The following DPP10 variants were observed in gnomAD, a reference collection of about 807,000 sequenced individuals.
The protein encoded by DPP10 is dipeptidyl peptidase like 10.
In DPP10, 33 loss-of-function variants were observed where a neutral mutation model predicts 120.9. The observed-to-expected ratio is 0.27, with a 90% confidence interval of 0.21 to 0.37. DPP10 has a LOEUF of 0.37. Ranked by LOEUF, DPP10 falls within the 10% of genes least tolerant of loss-of-function variation. The pLI is 1.00. For missense variants in DPP10, 816 were observed against 942.8 expected (o/e 0.87, Z 1.76); for synonymous variants, 337 against 326.1 (o/e 1.03, Z -0.36).
chr2:114,934,878 T>C (rs996302410), intron 1 of DPP10, among the ~76,000 whole-genome samples: 2 of 152,148 alleles, frequency 1.3e-5, no homozygotes, highest in Non-Finnish European at 2.9e-5. Flanking sequence ...ATCTTTTCTC[T>C]GTGCCCTTAT....
At chr2:115,119,196 C>T (rs2104726211) in intron 1 of DPP10, among the ~76,000 whole-genome samples, 1 of 152,222 alleles carries the variant, frequency 6.6e-6, no homozygotes, top group African/African-American at 2.4e-5. Context: ...TGTGCAGGTG[C>T]TCATTTGAAG....
chr2:115,735,130 G>T (rs187283340), intron 8 of DPP10, among the ~76,000 whole-genome samples: 2 of 152,060 alleles, frequency 1.3e-5, no homozygotes, highest in Non-Finnish European at 2.9e-5. Flanking sequence ...CATTTGATTC[G>T]CCAGGGTTTC....
At chr2:114,722,498 C>A (rs751831493) in intron 1 of DPP10, among the ~76,000 whole-genome samples, 1 of 152,130 alleles carries the variant, frequency 6.6e-6, no homozygotes, top group Non-Finnish European at 1.5e-5. Context: ...GCTAACCAGT[C>A]GGGCGCGGTG....
chr2:115,805,904 C>G (rs1309474231), intron 19 of DPP10, among the ~76,000 whole-genome samples: 1 of 152,042 alleles, frequency 6.6e-6, no homozygotes, highest in African/African-American at 2.4e-5. Context: ...AACTTGTACT[C>G]TCACCGCATT....
At chr2:114,452,737 G>T (rs982984404) in intron 1 of DPP10, among the ~76,000 whole-genome samples, 1 of 152,028 alleles carries the variant, frequency 6.6e-6, no homozygotes, top group Admixed American at 6.6e-5. Context: ...AACTGAAAAA[G>T]TCCCTTAGTA....
At chr2:114,748,016 A>T (rs1323658628) in intron 1 of DPP10, among the ~76,000 whole-genome samples, 1 of 152,172 alleles carries the variant, frequency 6.6e-6, no homozygotes, top group Non-Finnish European at 1.5e-5. Context: ...ATTTATAGCA[A>T]TTTTTCAAAG....
chr2:115,662,525 A>G (rs748474855), intron 5 of DPP10, among the ~76,000 whole-genome samples: 69 of 152,084 alleles, frequency 4.5e-4, no homozygotes, highest in Admixed American at 1.7e-3. Flanking sequence ...GCAAACGGGT[A>G]TATGAAAAGG....
chr2:115,092,250 C>A (rs1449022129), intron 1 of DPP10, among the ~76,000 whole-genome samples: 1 of 152,200 alleles, frequency 6.6e-6, no homozygotes, highest in Admixed American at 6.5e-5. Context: ...ACTTTGCAAA[C>A]ATTTCATGTC....
At chr2:115,600,360 T>A (rs1373462070) in intron 5 of DPP10, among the ~76,000 whole-genome samples, 1 of 152,214 alleles carries the variant, frequency 6.6e-6, no homozygotes. Flanking sequence ...CCTAAGATGA[T>A]AATGTAATAA....
intron 5 of DPP10, among the ~76,000 whole-genome samples, chr2:115,653,463 A>G (rs2087984824): frequency 6.6e-6 from 1 of 152,012 alleles, no homozygotes; most frequent in Admixed American, 6.6e-5. Flanking sequence ...TGTCTTAGAT[A>G]ATCTCCGCTG....
At chr2:114,584,477 G>A (rs896805126) in intron 1 of DPP10, among the ~76,000 whole-genome samples, 7 of 151,562 alleles carry the variant, frequency 4.6e-5, no homozygotes, top group Admixed American at 1.3e-4. Context: ...CATGTGCCAT[G>A]TTGGTGTGCT....
chr2:115,006,381 T>A (rs1014737675), intron 1 of DPP10, among the ~76,000 whole-genome samples: 57 of 151,736 alleles, frequency 3.8e-4, no homozygotes, highest in African/African-American at 1.3e-3. Context: ...TAACTTTAAA[T>A]GTAAATGGAC....
intron 3 of DPP10, among the ~76,000 whole-genome samples, chr2:115,354,461 T>C (rs1180514576): frequency 6.6e-6 from 1 of 152,174 alleles, no homozygotes; most frequent in African/African-American, 2.4e-5. Flanking sequence ...AGTTTTTTTG[T>C]TTCTGCATTA....
chr2:115,555,105 A>G (rs2080124624), intron 5 of DPP10, among the ~76,000 whole-genome samples: 1 of 152,116 alleles, frequency 6.6e-6, no homozygotes, highest in South Asian at 2.1e-4. Context: ...TTCTTCTCTT[A>G]CTTTGGTATC....
intron 1 of DPP10, among the ~76,000 whole-genome samples, chr2:114,627,895 C>T (rs551438205): frequency 1.3e-5 from 2 of 152,156 alleles, no homozygotes; most frequent in African/African-American, 2.4e-5. Flanking sequence ...TGTCAGAAGA[C>T]GGTGCATTAT....
intron 1 of DPP10, among the ~76,000 whole-genome samples, chr2:114,785,906 G>A (rs1033865380): frequency 1.3e-5 from 2 of 152,148 alleles, no homozygotes; most frequent in Admixed American, 6.5e-5. Context: ...TGGCAGCAAT[G>A]GAAATGTGGA....
At chr2:115,451,615 G>T (rs189687120) in intron 3 of DPP10, among the ~76,000 whole-genome samples, 1 of 151,924 alleles carries the variant, frequency 6.6e-6, no homozygotes, top group Admixed American at 6.6e-5. Flanking sequence ...AATTAAGAAA[G>T]CACAGACAGC....
At chr2:115,204,500 A>T (rs2055977270) in intron 1 of DPP10, among the ~76,000 whole-genome samples, 1 of 152,160 alleles carries the variant, frequency 6.6e-6, no homozygotes, top group Admixed American at 6.5e-5. Context: ...CAATGCCAGC[A>T]CTTTACAAAA....
intron 5 of DPP10, among the ~76,000 whole-genome samples, chr2:115,561,358 C>CA (rs11421762): frequency 0.56 from 33,267 of 59,746 alleles, 12,071 homozygotes; most frequent in Non-Finnish European, 0.66. Context: ...GACTCCATCA[C>CA]AAAAAAAAAA....
Sources: allele counts gnomAD v4.1 joint callset (sites outside exome capture counted in the v4.1 genomes callset), GRCh38; gene constraint gnomAD v4.1.1; transcripts MANE v1.5; gene names NCBI Gene and HGNC (gene_info 2026-07-23, HGNC 2026-07-21).